Variants in BCKDHB observed in about 807,000 individuals in gnomAD.
BCKDHB encodes the protein branched chain keto acid dehydrogenase E1 subunit beta, also known as 2-oxoisovalerate dehydrogenase subunit beta, mitochondrial.
A neutral mutation model predicts 48.5 loss-of-function variants in BCKDHB; 41 were observed. The observed-to-expected ratio is 0.85, with a 90% CI of 0.66 to 1.10. BCKDHB has a LOEUF of 1.10. Ranked by LOEUF, BCKDHB falls within the 50% of genes least tolerant of loss-of-function variation. The probability of loss-of-function intolerance (pLI) is 0.00; values close to 1 mark genes in which losing one functional copy is unlikely to be tolerated. For synonymous variants in BCKDHB, 201 were observed against 174.8 expected, an observed-to-expected ratio of 1.15 and a Z score of -1.18; for missense variants, 496 against 494.2, an observed-to-expected ratio of 1.00 and a Z score of -0.03.
the BCKDHB span, among the ~76,000 whole-genome samples, chr6:80,428,062 C>T: frequency 1.3e-5 from 2 of 151,920 alleles, no homozygotes; most frequent in African/African-American, 4.8e-5. Flanking sequence ...GTGATGTTCC[C>T]CTCCCTGTGT....
chr6:80,306,351 G>C (rs1767876310), intron 9 of BCKDHB, among the ~76,000 whole-genome samples: 1 of 152,084 alleles, frequency 6.6e-6, no homozygotes, highest in Non-Finnish European at 1.5e-5. Flanking sequence ...ATAACTATCA[G>C]TTTATTAGGG....
At chr6:80,398,608 C>T in the BCKDHB span, among the ~76,000 whole-genome samples, 1 of 151,312 alleles carries the variant, frequency 6.6e-6, no homozygotes, top group Non-Finnish European at 1.5e-5. Context: ...AGCCTACAAA[C>T]AAAAGACAGC....
the BCKDHB span, among the ~76,000 whole-genome samples, chr6:80,456,121 G>C: frequency 6.6e-6 from 1 of 151,670 alleles, no homozygotes; most frequent in African/African-American, 2.4e-5. Context: ...AGGCTGAGGT[G>C]GAAGAATCTC....
downstream of BCKDHB, among the ~76,000 whole-genome samples, chr6:80,349,680 G>T (rs1326289331): frequency 6.6e-6 from 1 of 152,028 alleles, no homozygotes; most frequent in African/African-American, 2.4e-5. Flanking sequence ...CAAAATAGAA[G>T]AAAATATGCA....
At chr6:80,425,803 C>T in the BCKDHB span, among the ~76,000 whole-genome samples, 1 of 152,230 alleles carries the variant, frequency 6.6e-6, no homozygotes, top group East Asian at 1.9e-4. Context: ...AAAACTTTCT[C>T]TCAGTTTTAA....
At chr6:80,259,567 G>A (rs1400943237) in intron 8 of BCKDHB, among the ~76,000 whole-genome samples, 2 of 152,118 alleles carry the variant, frequency 1.3e-5, no homozygotes, top group African/African-American at 4.8e-5. Flanking sequence ...CAATTTTATA[G>A]TAGATGTGAG....
intron 1 of BCKDHB, among the ~76,000 whole-genome samples, chr6:80,115,169 A>G (rs531438048): frequency 2.6e-5 from 4 of 151,948 alleles, no homozygotes; most frequent in African/African-American, 7.3e-5. Flanking sequence ...GGGTCTTGCT[A>G]TGTTGCCCAG....
At chr6:80,462,389 T>C in the BCKDHB span, among the ~76,000 whole-genome samples, 1 of 152,198 alleles carries the variant, frequency 6.6e-6, no homozygotes, top group African/African-American at 2.4e-5. Flanking sequence ...AATTGTGGAA[T>C]TATAACCCAA....
At chr6:80,373,594 G>A in the BCKDHB span, among the ~76,000 whole-genome samples, 1 of 152,050 alleles carries the variant, frequency 6.6e-6, no homozygotes, top group African/African-American at 2.4e-5. Context: ...TTAACGCTAT[G>A]TCAGTGGATA....
At chr6:80,390,339 C>T in the BCKDHB span, among the ~76,000 whole-genome samples, 1 of 151,942 alleles carries the variant, frequency 6.6e-6, no homozygotes, top group Non-Finnish European at 1.5e-5. Flanking sequence ...AAAAACTCGA[C>T]CTACTGAGGT....
At chr6:80,358,387 A>G in the BCKDHB span, among the ~76,000 whole-genome samples, 1 of 151,934 alleles carries the variant, frequency 6.6e-6, no homozygotes, top group Non-Finnish European at 1.5e-5. Context: ...GTGTCCTCTG[A>G]TTTATATTGT....
chr6:80,187,317 G>C (rs952893771), intron 6 of BCKDHB, among the ~76,000 whole-genome samples: 5 of 152,038 alleles, frequency 3.3e-5, no homozygotes, highest in Non-Finnish European at 5.9e-5. Context: ...ATTAAAAGTT[G>C]TTGCTATTAT....
chr6:80,433,603 G>A, the BCKDHB span, among the ~76,000 whole-genome samples: 14 of 152,136 alleles, frequency 9.2e-5, no homozygotes, highest in African/African-American at 3.4e-4. Context: ...TGTGCTCTGT[G>A]GGGGTGGGAC....
rs1304217396 is a variant in BCKDHB, at chr6:80,304,247, T to C, written c.1038+31026T>C. ...TAGGCTTTTGGCAGATCTGGGTCAT[T>C]GTTATCCTAGGCAGAGTTGGGGTGG... On this transcript the variant is annotated intron_variant, in intron 9 of 9. Coordinates refer to ENST00000320393, the MANE Select transcript of BCKDHB (RefSeq NM_183050.4). Among the ~76,000 whole-genome samples the C allele has an allele frequency of 2.0e-5, 3 of 152,108 alleles. No homozygotes were observed. The South Asian group carries it at 6.2e-4, about 31-fold the overall frequency.
In BCKDHB at chr6:80,124,227, T is replaced by A. The variant is rs1281475106; in HGVS notation, c.197-3320T>A. ...TTTGAGTGAGTTTCTTAATCCTGAG[T>A]TCTAATTTGATTGCACTGCGGTTTG... is the stretch of plus-strand genomic sequence containing the variant. On this transcript the variant is annotated intron_variant, in intron 1 of 9. Coordinates refer to ENST00000320393, the MANE Select transcript of BCKDHB (RefSeq NM_183050.4). Among the ~76,000 whole-genome samples, 5 of 152,200 alleles carry A rather than the reference T, an allele frequency of 3.3e-5. No homozygotes were observed. The East Asian group carries it at 9.6e-4, about 29-fold the overall frequency.
the BCKDHB span, among the ~76,000 whole-genome samples, chr6:80,408,362 G>T: frequency 6.6e-6 from 1 of 152,116 alleles, no homozygotes; most frequent in East Asian, 1.9e-4. Context: ...GATGATGCTG[G>T]CCTCATAAAA....
chr6:80,412,145 CA>C, the BCKDHB span, among the ~76,000 whole-genome samples: 5,084 of 92,844 alleles, frequency 0.055, 226 homozygotes, highest in African/African-American at 0.14. Flanking sequence ...TCACAGTTTA[CA>C]TTTTTTTTTT....
the BCKDHB span, among the ~76,000 whole-genome samples, chr6:80,387,294 C>T: frequency 2.6e-5 from 4 of 152,230 alleles, no homozygotes; most frequent in East Asian, 7.7e-4. Flanking sequence ...CACATTGGCT[C>T]CCTGACTGGC....
At chr6:80,218,998 A>G (rs746785051) in intron 8 of BCKDHB, among the ~76,000 whole-genome samples, 1 of 152,262 alleles carries the variant, frequency 6.6e-6, no homozygotes, top group South Asian at 2.1e-4. Flanking sequence ...CTTGGCATCT[A>G]GATCAAATGG....
Sources: allele counts gnomAD v4.1 joint callset (sites outside exome capture counted in the v4.1 genomes callset), GRCh38; gene constraint gnomAD v4.1.1; transcripts MANE v1.5; gene names NCBI Gene and HGNC (gene_info 2026-07-23, HGNC 2026-07-21).